Variants in DAO observed in about 807,000 individuals in gnomAD.
DAO encodes D-amino-acid oxidase.
A neutral mutation model predicts 50.1 loss-of-function variants in DAO; 51 were observed. The observed-to-expected ratio is 1.02, with a 90% confidence interval of 0.81 to 1.29. The LOEUF (loss-of-function observed/expected upper bound fraction) is 1.29, where lower values mean the gene tolerates loss of function less well. Ranked by LOEUF, DAO falls within the 50% of genes most tolerant of loss-of-function variation. The pLI is 0.00. For missense variants in DAO, 436 were observed against 439.4 expected, an observed-to-expected ratio of 0.99 and a Z score of 0.07; for synonymous variants, 160 against 166.2, an observed-to-expected ratio of 0.96 and a Z score of 0.29.
chr12:108,890,004 C>T (rs1345692958), intron 4 of DAO, among the ~76,000 whole-genome samples: 1 of 152,126 alleles, frequency 6.6e-6, no homozygotes. Flanking sequence ...CTTGCATTTT[C>T]CAATGTCAGA....
chr12:108,895,767 C>G (rs1171990946), intron 7 of DAO, among the ~76,000 whole-genome samples: 3 of 144,460 alleles, frequency 2.1e-5, no homozygotes, highest in Non-Finnish European at 4.6e-5. Context: ...GGGTGTGTGT[C>G]TGAGGGTGTG....
intron 5 of DAO, among the ~76,000 whole-genome samples, chr12:108,890,604 G>A (rs1222853848): frequency 6.6e-6 from 1 of 152,074 alleles, no homozygotes; most frequent in Non-Finnish European, 1.5e-5. Flanking sequence ...AACATAAGCT[G>A]CCTTTTATTT....
chr12:108,889,043 G>C (rs751719904), intron 3 of DAO, among the ~76,000 whole-genome samples: 6 of 152,032 alleles, frequency 3.9e-5, no homozygotes, highest in Non-Finnish European at 7.3e-5. Context: ...AAATGGACCA[G>C]TATAAGAAAA....
At chr12:108,882,029 G>C (rs183699008) in intron 1 of DAO, among the ~76,000 whole-genome samples, 3 of 151,984 alleles carry the variant, frequency 2.0e-5, no homozygotes, top group African/African-American at 7.2e-5. Context: ...TGAAGCTTCA[G>C]CTGTTCCTAT....
chr12:108,884,386 C>A (rs1289111698), intron 1 of DAO, among the ~76,000 whole-genome samples: 1 of 152,214 alleles, frequency 6.6e-6, no homozygotes, highest in Non-Finnish European at 1.5e-5. Context: ...CAGCCCCTAC[C>A]TCATGACAGT....
intron 1 of DAO, among the ~76,000 whole-genome samples, chr12:108,882,833 C>T (rs1464144037): frequency 1.3e-5 from 2 of 152,140 alleles, no homozygotes; most frequent in Admixed American, 6.6e-5. Flanking sequence ...ATTCCTCTGC[C>T]TTCTCATTGT....
Position 108,900,649 on chromosome 12 carries a change from G to A in DAO, c.*114G>A. ...CTCCCTCACTTCTTTCCTCAAAGAA[G>A]CATGAGGTGAGAGAAAGCCACAAAG... On this transcript the variant is annotated 3_prime_UTR_variant, in exon 11 of 11. Transcript: ENST00000228476. 6.7e-7 allele frequency: 1 copy of A among 1,490,794 alleles called. No homozygotes were observed. Among genetic ancestry groups the A allele is most frequent in the Non-Finnish European group, 9.2e-7 (1 of 1,091,330 alleles). 92.3% of individuals were successfully genotyped at this position (1,490,794 alleles called of 1,614,324 possible).
intron 5 of DAO, among the ~76,000 whole-genome samples, chr12:108,892,401 C>T (rs1306003276): frequency 2.0e-5 from 3 of 151,418 alleles, no homozygotes; most frequent in Non-Finnish European, 4.4e-5. Flanking sequence ...CTCCTGACCT[C>T]GTGATCCGCC....
intron 10 of DAO, 70 bp downstream of exon 10, chr12:108,899,545 C>G (rs2039599769): frequency 7.7e-7 from 1 of 1,297,086 alleles, no homozygotes; most frequent in East Asian, 2.5e-5. Context: ...TTTCAGGGAA[C>G]AGTCATGTCT....
At chr12:108,881,861 C>T (rs1326383767) in intron 1 of DAO, among the ~76,000 whole-genome samples, 1 of 152,104 alleles carries the variant, frequency 6.6e-6, no homozygotes, top group Non-Finnish European at 1.5e-5. Context: ...CAGCCTCGAC[C>T]TCCCAAAGTG....
At chr12:108,893,438 A>G (rs1258610379) in intron 6 of DAO, among the ~76,000 whole-genome samples, 1 of 152,136 alleles carries the variant, frequency 6.6e-6, no homozygotes, top group Admixed American at 6.5e-5. Flanking sequence ...ACCACCACCA[A>G]TAATAATGAC....
chr12:108,896,445 G>GAAAAAAAAAAAAAAAAAAAAAAAA (rs2039558419), intron 7 of DAO, among the ~76,000 whole-genome samples: 1 of 123,322 alleles, frequency 8.1e-6, no homozygotes, highest in African/African-American at 3.3e-5. Flanking sequence ...AAAAAAAATT[G>GAAAAAAAAAAAAAAAAAAAAAAAA]AAGGTTTGAA....
Position 108,880,203 on chromosome 12 carries a change from C to T in DAO, c.-31C>T, listed in dbSNP as rs768707678. ...TCCCCGCACTGCAGTTGTCTGGTCT[C>T]TCCAGCAGTTTGGTACTTCCGGTGA... On this transcript the variant is annotated 5_prime_UTR_variant, in exon 1 of 11. Coordinates refer to ENST00000228476, the MANE Select transcript of DAO (RefSeq NM_001917.5). 1.0e-4 allele frequency: 47 copies of T among 448,590 alleles called. No individual in the cohort carries two copies. The highest frequency in any genetic ancestry group is 7.8e-4 in the African/African-American group (39 of 49,954). 27.8% of individuals were successfully genotyped at this position (448,590 alleles called of 1,614,324 possible). A position where few individuals can be genotyped will look rare whatever the true frequency, so the allele number is the denominator to read the frequency against.
chr12:108,887,337 G>A (rs757796421), intron 2 of DAO, 113 bp from the exon 3 acceptor site: 1 of 804,782 alleles, frequency 1.2e-6, no homozygotes, highest in Non-Finnish European at 2.3e-6. Context: ...TGGATTTCTG[G>A]GTTTTGGACA....
Position 108,890,353 on chromosome 12 carries a change from C to T in DAO, c.452+80C>T, listed in dbSNP as rs879802167. The T allele has an allele frequency of 6.6e-5, 71 of 1,077,062 alleles. 1 individual carries two copies. The highest frequency in any genetic ancestry group is 3.8e-4 in the Admixed American group (22 of 58,432). The allele number at this position is 1,077,062 out of a possible 1,614,324, so 66.7% of individuals were successfully genotyped here. On this transcript the variant is annotated intron_variant, in intron 5 of 10. Transcript: ENST00000228476. ...TGGAAGATGGTTCGTGGGCTTCCCTCAGCATGGACTAACCCCCAGGTTTGA... is the reference window on the plus strand; with the variant it reads ...TGGAAGATGGTTCGTGGGCTTCCCTTAGCATGGACTAACCCCCAGGTTTGA...
At chr12:108,883,731 T>C (rs2039405215) in intron 1 of DAO, 2 of 423,958 alleles carry the variant, frequency 4.7e-6, no homozygotes, top group Non-Finnish European at 9.7e-6. Flanking sequence ...AGCCCCAGTA[T>C]CCAAGCTCGG....
At chr12:108,899,354 G>T in intron 9 of DAO, 23 bp from the exon 10 acceptor site, 2 of 1,597,320 alleles carry the variant, frequency 1.3e-6, no homozygotes, top group Non-Finnish European at 1.7e-6. Context: ...CCAGAAATGA[G>T]TGATCAGCAC....
At chr12:108,883,381 C>A (rs1432229365) in intron 1 of DAO, among the ~76,000 whole-genome samples, 1 of 152,130 alleles carries the variant, frequency 6.6e-6, no homozygotes, top group Non-Finnish European at 1.5e-5. Flanking sequence ...GTCCTGACCT[C>A]GTGATCCACC....
At chr12:108,883,710 G>T (rs755237624) in intron 1 of DAO, 1 of 430,940 alleles carries the variant, frequency 2.3e-6, no homozygotes, top group Admixed American at 2.5e-5. Context: ...CCTGAGAGGG[G>T]CTGTCCCCTA....
Sources: allele counts gnomAD v4.1 joint callset (sites outside exome capture counted in the v4.1 genomes callset), GRCh38; gene constraint gnomAD v4.1.1; transcripts MANE v1.5; gene names NCBI Gene and HGNC (gene_info 2026-07-23, HGNC 2026-07-21).